CTBP2: variants seen among roughly 807,000 people sequenced by gnomAD.
CTBP2 encodes the protein C-terminal-binding protein 2.
A neutral mutation model predicts 80.3 loss-of-function variants in CTBP2; 30 were observed. That is an observed-to-expected ratio of 0.37 (90% CI 0.28 to 0.51). The LOEUF (loss-of-function observed/expected upper bound fraction) is 0.51, where lower values mean the gene tolerates loss of function less well. Among genes scored for constraint, CTBP2 ranks in the 20% least tolerant of loss-of-function variants. The probability of loss-of-function intolerance (pLI) is 0.93; values close to 1 mark genes in which losing one functional copy is unlikely to be tolerated. For missense variants in CTBP2, 1,212 were observed against 1,375.3 expected, an observed-to-expected ratio of 0.88 and a Z score of 1.88; for synonymous variants, 594 against 587.4, an observed-to-expected ratio of 1.01 and a Z score of -0.16.
At chr10:125,023,223 GGAA>G (rs371063292) in intron 1 of CTBP2, among the ~76,000 whole-genome samples, 1 of 152,208 alleles carries the variant, frequency 6.6e-6, no homozygotes, top group Admixed American at 6.5e-5. Flanking sequence ...AAAAACGGCT[GGAA>G]GAAAATGGAA....
At chr10:125,096,222 A>G (rs1304093115) in intron 2 of CTBP2, among the ~76,000 whole-genome samples, 1 of 152,244 alleles carries the variant, frequency 6.6e-6, no homozygotes, top group Non-Finnish European at 1.5e-5. Flanking sequence ...CCCCACTATT[A>G]GTTAACACTT....
chr10:125,146,897 G>C (rs985064309), intron 1 of CTBP2, among the ~76,000 whole-genome samples: 4 of 152,094 alleles, frequency 2.6e-5, no homozygotes, highest in African/African-American at 9.7e-5. Flanking sequence ...GAATATCCTA[G>C]GAGGACATGA....
At chr10:125,135,877 G>A (rs139261553) in intron 1 of CTBP2, among the ~76,000 whole-genome samples, 166 of 152,332 alleles carry the variant, frequency 1.1e-3, no homozygotes, top group African/African-American at 3.5e-3. Context: ...TCCCAGGGCA[G>A]CCTTCTGCCC....
At chr10:125,100,343 A>G (rs1167383873) in intron 2 of CTBP2, among the ~76,000 whole-genome samples, 2 of 152,226 alleles carry the variant, frequency 1.3e-5, no homozygotes, top group African/African-American at 4.8e-5. Context: ...AAAGCTCAAT[A>G]TCACACAAGT....
chr10:125,052,696 G>C, intron 2 of CTBP2, among the ~76,000 whole-genome samples: 1 of 152,190 alleles, frequency 6.6e-6, no homozygotes, highest in Middle Eastern at 3.4e-3. Flanking sequence ...GCCTCAGTCC[G>C]GGCTTTGTGT....
intron 3 of CTBP2, among the ~76,000 whole-genome samples, chr10:125,034,517 G>A (rs1221556788): frequency 6.6e-6 from 1 of 152,200 alleles, no homozygotes; most frequent in Non-Finnish European, 1.5e-5. Flanking sequence ...TGCTGGAAAT[G>A]TGCATAATTG....
At chr10:125,009,368 G>A (rs1955613027) in intron 1 of CTBP2, among the ~76,000 whole-genome samples, 1 of 152,148 alleles carries the variant, frequency 6.6e-6, no homozygotes. Flanking sequence ...AATGATCCAG[G>A]AAGAAAGAGG....
intron 2 of CTBP2, among the ~76,000 whole-genome samples, chr10:125,084,287 T>C (rs573823340): frequency 1.4e-3 from 208 of 152,310 alleles, no homozygotes; most frequent in African/African-American, 4.6e-3. Flanking sequence ...TCACAAAGGA[T>C]GCCTTGAGGG....
At chr10:125,053,291 C>A (rs1963197948) in intron 2 of CTBP2, among the ~76,000 whole-genome samples, 1 of 151,982 alleles carries the variant, frequency 6.6e-6, no homozygotes, top group African/African-American at 2.4e-5. Flanking sequence ...ACACAAAGGA[C>A]ATGGGAGCAG....
chr10:125,026,423 G>A lies in CTBP2; in HGVS notation c.1337C>T (p.Ala446Val). The A allele has an allele frequency of 6.2e-7, 1 of 1,605,214 alleles. No individual in the cohort carries two copies. The highest frequency in any genetic ancestry group is 8.5e-7 in the Non-Finnish European group (1 of 1,173,532). ...CGTGGGGCTCAGACGCGCTGTCAGG[G>A]CGCAAGGGGTGGGAGAGCTGTACCC... Residue 446 changes from alanine to valine, a missense_variant, in exon 1 of 9, where the codon GCC (alanine) becomes GTC (valine). By Grantham distance (64) the Ala-to-Val change is moderately conservative. Around this residue, in one of 3 missense-constraint regions of CTBP2, gnomAD observed 848 missense variants for 782.3 expected, o/e 1.08. Transcript: ENST00000309035.
At position 125,071,362 on chromosome 10, in the gene CTBP2, G is replaced by T. The variant is rs1046681734; in HGVS notation, c.-101-32207C>A. Among the ~76,000 whole-genome samples, 3 of 152,256 alleles carry T rather than the reference G, an allele frequency of 2.0e-5. No homozygotes were observed. In the East Asian group the frequency reaches 5.8e-4, roughly 29 times the overall value. On this transcript the variant is annotated intron_variant, in intron 2 of 10. Transcript: ENST00000337195. ...AAAAACCAGGAAATATTAATAAAAT[G>T]CAGAACACTTGCTGTGTGCTCCTGA...
chr10:125,000,098 C>T (rs994082537), intron 3 of CTBP2: 3 of 152,440 alleles, frequency 2.0e-5, no homozygotes, highest in South Asian at 2.1e-4. Flanking sequence ...GTCTTCTCAC[C>T]GAACTTGGAC....
chr10:125,072,982 T>A (rs1003326130), intron 2 of CTBP2, among the ~76,000 whole-genome samples: 1 of 152,160 alleles, frequency 6.6e-6, no homozygotes, highest in African/African-American at 2.4e-5. Flanking sequence ...ATGCAATAAA[T>A]AGAGATGACA....
chr10:125,089,298 A>G (rs1000805881), intron 2 of CTBP2, among the ~76,000 whole-genome samples: 5 of 152,254 alleles, frequency 3.3e-5, no homozygotes, highest in Middle Eastern at 3.2e-3. Context: ...GAGATTCTAA[A>G]GTACCAGAGG....
chr10:125,073,441 A>T (rs969837005), intron 2 of CTBP2, among the ~76,000 whole-genome samples: 6 of 152,190 alleles, frequency 3.9e-5, no homozygotes, highest in African/African-American at 1.2e-4. Flanking sequence ...ACAGGGCTTC[A>T]CCATGTTGGC....
chr10:125,056,194 T>C (rs1174606960), intron 2 of CTBP2, among the ~76,000 whole-genome samples: 2 of 148,566 alleles, frequency 1.3e-5, no homozygotes, highest in Non-Finnish European at 1.5e-5. Flanking sequence ...ATAATAATAA[T>C]AGTAATAATA....
chr10:125,027,791 G>T lies in CTBP2; in HGVS notation c.-32C>A. ...AAAAATGACTGCGGATGAGGCAGAG[G>T]AGAAGCTTTTCTTTATAAATCTTCA... On this transcript the variant is annotated 5_prime_UTR_variant, in exon 1 of 9. Transcript: ENST00000309035. The T allele has an allele frequency of 6.7e-7, 1 of 1,491,256 alleles. No homozygotes were observed. Among genetic ancestry groups the T allele is most frequent in the South Asian group, 1.3e-5 (1 of 76,654 alleles). The allele number at this position is 1,491,256 out of a possible 1,614,324, so 92.4% of individuals were successfully genotyped here.
chr10:125,119,219 T>C (rs1343526391), intron 1 of CTBP2, among the ~76,000 whole-genome samples: 1 of 152,170 alleles, frequency 6.6e-6, no homozygotes, highest in Non-Finnish European at 1.5e-5. Flanking sequence ...CAGCGAGAGA[T>C]GGAACCTCTA....
At position 125,044,098 on chromosome 10, in the gene CTBP2, C is replaced by T. The variant is rs150448982; in HGVS notation, c.-101-4943G>A. Among the ~76,000 whole-genome samples the T allele has an allele frequency of 9.2e-5, 14 of 152,280 alleles. No individual in the cohort carries two copies. In the East Asian group the frequency reaches 2.3e-3, roughly 25 times the overall value. ...GATCCAATGCAGGAAGAAAAGATTC[C>T]CTGCAACCCAGATGGCCGCATCAAT... On this transcript the variant is annotated intron_variant, in intron 2 of 10. Coordinates refer to the CTBP2 transcript ENST00000337195.
Sources: allele counts gnomAD v4.1 joint callset (sites outside exome capture counted in the v4.1 genomes callset), GRCh38; gene constraint gnomAD v4.1.1; regional missense constraint gnomAD v4.1.1; transcripts MANE v1.5; gene names NCBI Gene and HGNC (gene_info 2026-07-23, HGNC 2026-07-21).